The following FZD3 variants were observed in gnomAD, a reference collection of about 807,000 sequenced individuals.
FZD3 encodes the protein frizzled class receptor 3.
Under a neutral mutation model 60.7 loss-of-function variants are expected in FZD3, and 30 were observed. The ratio of observed to expected loss-of-function variants is 0.49; its 90% CI spans 0.37 to 0.67. FZD3 has a LOEUF of 0.67. FZD3 is among the 30% of genes least tolerant of loss of function. The probability of loss-of-function intolerance (pLI) is 0.00; values close to 1 mark genes in which losing one functional copy is unlikely to be tolerated. For missense variants in FZD3, 605 were observed against 838.7 expected (o/e 0.72, Z 3.44); for synonymous variants, 246 against 275.2 (o/e 0.89, Z 1.05).
chr8:28,515,252 C>T (rs1432792127), intron 3 of FZD3, among the ~76,000 whole-genome samples: 3 of 152,184 alleles, frequency 2.0e-5, no homozygotes, highest in Non-Finnish European at 4.4e-5. Context: ...TGAATCCATA[C>T]GGGTCTGCAG....
chr8:28,551,511 TG>T (rs1431797527), intron 5 of FZD3, 91 bp from the exon 6 acceptor site: 1 of 988,818 alleles, frequency 1.0e-6, no homozygotes, highest in African/African-American at 1.7e-5. Flanking sequence ...AACAAAACTC[TG>T]TCTCAAAAGA....
chr8:28,525,778 T>C (rs1018721373), intron 4 of FZD3, among the ~76,000 whole-genome samples: 24 of 152,274 alleles, frequency 1.6e-4, no homozygotes, highest in African/African-American at 5.8e-4. Flanking sequence ...TGGAGATCAA[T>C]TGGAGGCCCC....
chr8:28,539,941 T>G (rs1805120281), intron 5 of FZD3, among the ~76,000 whole-genome samples: 1 of 152,152 alleles, frequency 6.6e-6, no homozygotes, highest in Non-Finnish European at 1.5e-5. Context: ...TAAAAATAAT[T>G]TAAGCCCTGG....
chr8:28,528,116 G>A lies in FZD3; in HGVS notation c.1356G>A (p.Thr452=), dbSNP rs201317475. Residue 452 remains threonine, a synonymous_variant, in exon 5 of 8, where the codon ACG becomes ACA. Coordinates refer to ENST00000240093, the MANE Select transcript of FZD3 (RefSeq NM_017412.4). ...EQAYRGIWET[T]WIQERCREYH... ...CTTACCGGGGCATCTGGGAAACAAC[G>A]TGGATACAAGAACGCTGCAGAGAAT... 34 of 1,613,716 alleles carry A rather than the reference G, an allele frequency of 2.1e-5. No individual in the cohort carries two copies. Among genetic ancestry groups the A allele is most frequent in the Non-Finnish European group, 2.5e-5 (30 of 1,179,810 alleles).
At position 28,556,053 on chromosome 8, in the gene FZD3, A is replaced by C. The variant is rs555550319; in HGVS notation, c.1787+82A>C. 1.3e-4 allele frequency: 118 copies of C among 890,102 alleles called. 1 individual carries two copies. The South Asian group carries it at 1.7e-3, about 13-fold the overall frequency. 55.1% of individuals were successfully genotyped at this position (890,102 alleles called of 1,614,324 possible). ...TAAGAAAGAGGAGCAGCCAATTCTG[A>C]AATAGAAGTCGAACATAATTAAGCC... On this transcript the variant is annotated intron_variant, in intron 7 of 7. Transcript: ENST00000240093.
chr8:28,530,089 CTG>C (rs59022036), intron 5 of FZD3, among the ~76,000 whole-genome samples: 7,764 of 138,126 alleles, frequency 0.056, 189 homozygotes, highest in Admixed American at 0.073. Context: ...TGAAATATAT[CTG>C]TGTGTGTGTG....
At chr8:28,540,329 A>G (rs1276527645) in intron 5 of FZD3, among the ~76,000 whole-genome samples, 1 of 152,116 alleles carries the variant, frequency 6.6e-6, no homozygotes, top group Non-Finnish European at 1.5e-5. Flanking sequence ...TCCTGGGTTC[A>G]AGCTATTCTC....
At chr8:28,525,448 A>C (rs748757303) in intron 4 of FZD3, among the ~76,000 whole-genome samples, 15 of 152,174 alleles carry the variant, frequency 9.9e-5, no homozygotes, top group Non-Finnish European at 2.2e-4. Context: ...GAAGTGAGAA[A>C]ACAAATGATG....
At position 28,562,937 on chromosome 8, in the gene FZD3, A is replaced by G. The variant is rs1173445007; in HGVS notation, c.1927A>G (p.Asn643Asp). Residue 643 changes from asparagine to aspartate, a missense_variant, in exon 8 of 8, where the codon AAT (asparagine) becomes GAT (aspartate). Coordinates refer to ENST00000240093, the MANE Select transcript of FZD3 (RefSeq NM_017412.4). ...ACATAGCAGCATCAGAGATCTCAGT[A>G]ATAATCCCATGACTCATATCACACA... is the stretch of plus-strand genomic sequence containing the variant. ...SRHSSIRDLS[N>D]NPMTHITHGT... 1.2e-6 allele frequency: 2 copies of G among 1,613,556 alleles called. No individual in the cohort carries two copies. Among genetic ancestry groups the G allele is most frequent in the Non-Finnish European group, 1.7e-6 (2 of 1,179,422 alleles).
intron 1 of FZD3, among the ~76,000 whole-genome samples, chr8:28,494,781 G>A (rs777292780): frequency 6.6e-6 from 1 of 152,056 alleles, no homozygotes; most frequent in Non-Finnish European, 1.5e-5. Flanking sequence ...GGCCGGAGCC[G>A]GCGGCAGCGC....
chr8:28,535,853 A>G (rs1804997372), intron 5 of FZD3, among the ~76,000 whole-genome samples: 1 of 152,168 alleles, frequency 6.6e-6, no homozygotes, highest in Admixed American at 6.5e-5. Context: ...AGAGTTTCAG[A>G]GTATCCTGTG....
rs767039843 is a variant in FZD3, at chr8:28,523,598, T to TA, written c.386+2780dup. On this transcript the variant is annotated intron_variant, in intron 4 of 7. Coordinates refer to ENST00000240093, the MANE Select transcript of FZD3 (RefSeq NM_017412.4). ...GGGCGTACCACCATGTCCAGCTAATTAAAAAAAAAAAAAAAATTTGTAGAG... is the reference window on the plus strand; with the variant it reads ...GGGCGTACCACCATGTCCAGCTAATTAAAAAAAAAAAAAAAAATTTGTAGAG... Among the ~76,000 whole-genome samples, 1,377 of 139,934 alleles carry TA rather than the reference T, an allele frequency of 9.8e-3. 27 individuals carry two copies. Among genetic ancestry groups the TA allele is most frequent in the East Asian group, 0.094 (462 of 4,898 alleles). 91.8% of individuals were successfully genotyped at this position (139,934 alleles called of 152,430 possible). A position where few individuals can be genotyped will look rare whatever the true frequency, so the allele number is the denominator to read the frequency against.
chr8:28,502,021 A>G (rs1013306473), intron 2 of FZD3, among the ~76,000 whole-genome samples: 3 of 152,212 alleles, frequency 2.0e-5, no homozygotes, highest in African/African-American at 7.2e-5. Context: ...AACGCTTCAT[A>G]CTGCTTTACC....
chr8:28,494,894 C>T (rs1409613289), intron 1 of FZD3, among the ~76,000 whole-genome samples: 1 of 152,188 alleles, frequency 6.6e-6, no homozygotes, highest in African/African-American at 2.4e-5. Context: ...CAGCTTCGGG[C>T]CCACCTTTGC....
At chr8:28,540,361 C>T (rs996033682) in intron 5 of FZD3, among the ~76,000 whole-genome samples, 4 of 152,058 alleles carry the variant, frequency 2.6e-5, no homozygotes, top group Admixed American at 1.3e-4. Flanking sequence ...TTCCGAGTAG[C>T]TGGGATTACA....
chr8:28,536,173 C>T (rs1805007218), intron 5 of FZD3, among the ~76,000 whole-genome samples: 1 of 152,208 alleles, frequency 6.6e-6, no homozygotes, highest in South Asian at 2.1e-4. Context: ...ATCCTATACT[C>T]TGTACTAGAG....
chr8:28,503,353 T>C (rs1200784642), intron 3 of FZD3, 151 bp downstream of exon 3: 1 of 501,046 alleles, frequency 2.0e-6, no homozygotes, highest in Non-Finnish European at 3.5e-6. Context: ...TATGTTTTGC[T>C]TCAGACTCTA....
intron 4 of FZD3, among the ~76,000 whole-genome samples, chr8:28,526,492 C>G (rs1302010568): frequency 6.6e-6 from 1 of 152,104 alleles, no homozygotes; most frequent in African/African-American, 2.4e-5. Context: ...CAGAGTGTCA[C>G]ACTGCTATAT....
chr8:28,551,359 C>A (rs1805407628), intron 5 of FZD3, among the ~76,000 whole-genome samples: 1 of 152,066 alleles, frequency 6.6e-6, no homozygotes, highest in South Asian at 2.1e-4. Context: ...ACTAAAAATA[C>A]AAAAATTACC....
Sources: allele counts gnomAD v4.1 joint callset (sites outside exome capture counted in the v4.1 genomes callset), GRCh38; gene constraint gnomAD v4.1.1; transcripts MANE v1.5; gene names NCBI Gene and HGNC (gene_info 2026-07-23, HGNC 2026-07-21).